Variants in SLC25A21 observed in about 807,000 individuals in gnomAD.
The protein encoded by SLC25A21 is mitochondrial 2-oxodicarboxylate carrier.
Under a neutral mutation model 43.8 loss-of-function variants are expected in SLC25A21, and 47 were observed. The observed-to-expected ratio is 1.07, with a 90% CI of 0.85 to 1.37. SLC25A21 has a LOEUF of 1.37. SLC25A21 is among the 40% of genes most tolerant of loss of function. The probability of loss-of-function intolerance (pLI) is 0.00; values close to 1 mark genes in which losing one functional copy is unlikely to be tolerated. For synonymous variants in SLC25A21, 131 were observed against 121.3 expected, an observed-to-expected ratio of 1.08 and a Z score of -0.52; for missense variants, 352 against 350.2, an observed-to-expected ratio of 1.00 and a Z score of -0.04.
intron 1 of SLC25A21, among the ~76,000 whole-genome samples, chr14:37,040,029 T>C (rs1594764457): frequency 8.3e-6 from 1 of 120,048 alleles, no homozygotes; most frequent in South Asian, 2.4e-4. Flanking sequence ...ACCCCATCTC[T>C]ACTAAAAATA....
At chr14:37,053,692 A>C (rs1327482945) in intron 1 of SLC25A21, among the ~76,000 whole-genome samples, 3 of 152,206 alleles carry the variant, frequency 2.0e-5, no homozygotes, top group African/African-American at 7.2e-5. Flanking sequence ...ATAAAACCTG[A>C]AATAGTTTGT....
rs139012447 is a variant in SLC25A21, at chr14:37,018,301, C to T, written c.71-143297G>A. ...TGAGCTACTGATCTTTCCCTCAACA[C>T]TGTTACCTATCTTACAAATTGGCAC... On this transcript the variant is annotated intron_variant, in intron 1 of 9. Transcript: ENST00000331299. 2.0e-4 allele frequency among the ~76,000 whole-genome samples: 30 copies of T among 152,088 alleles called. No individual in the cohort carries two copies. In the East Asian group the frequency reaches 4.3e-3, roughly 22 times the overall value.
chr14:36,780,517 TG>T (rs1887016937), intron 3 of SLC25A21, among the ~76,000 whole-genome samples: 1 of 152,058 alleles, frequency 6.6e-6, no homozygotes, highest in South Asian at 2.1e-4. Flanking sequence ...CCATAAGTTT[TG>T]GTGTGATGTG....
In SLC25A21 at chr14:36,680,257, AT is replaced by A; in HGVS notation, c.*400del. 1.0e-6 allele frequency: 1 copy of A among 952,536 alleles called. No individual in the cohort carries two copies. The highest frequency in any genetic ancestry group is 1.2e-6 in the Non-Finnish European group (1 of 800,640). The allele number at this position is 952,536 out of a possible 1,614,324, so 59.0% of individuals were successfully genotyped here. A position where few individuals can be genotyped will look rare whatever the true frequency, so the allele number is the denominator to read the frequency against. On this transcript the variant is annotated 3_prime_UTR_variant, in exon 10 of 10. Transcript: ENST00000331299. ...TTTTTTTTAATCCAGTCTTTGAATA[AT>A]TTGATTTATTTTCAATAGTTTAAGC... is the stretch of plus-strand genomic sequence containing the variant.
rs1369724460 is a variant in SLC25A21, at chr14:36,729,543, C to T, written c.294G>A (p.Lys98=). 6.2e-7 allele frequency: 1 copy of T among 1,609,434 alleles called. No homozygotes were observed. Among genetic ancestry groups the T allele is most frequent in the Non-Finnish European group, 8.5e-7 (1 of 1,178,352 alleles). ...AVKFFTFEQY[K]KLLGYVSLSP... ...ACAGTGACACATATCCCAGCAATTT[C>T]TTGTACTGCTCAAAGGTGAAAAACT... Residue 98 remains lysine (K), a synonymous_variant, in exon 5 of 10, where the codon AAG becomes AAA. Coordinates refer to ENST00000331299, the MANE Select transcript of SLC25A21 (RefSeq NM_030631.4).
At chr14:37,104,297 G>C (rs1218741692) in intron 1 of SLC25A21, among the ~76,000 whole-genome samples, 1 of 152,212 alleles carries the variant, frequency 6.6e-6, no homozygotes, top group Non-Finnish European at 1.5e-5. Context: ...ATGAGGTGGA[G>C]AGCTAGCTCT....
At chr14:37,096,798 C>T (rs1458508128) in intron 1 of SLC25A21, among the ~76,000 whole-genome samples, 2 of 151,928 alleles carry the variant, frequency 1.3e-5, no homozygotes, top group Non-Finnish European at 2.9e-5. Context: ...GTTGACTTTC[C>T]TCAAAACAGC....
At chr14:37,149,667 C>A (rs1963726094) in intron 1 of SLC25A21, among the ~76,000 whole-genome samples, 1 of 152,098 alleles carries the variant, frequency 6.6e-6, no homozygotes, top group Admixed American at 6.5e-5. Flanking sequence ...GAACTCCAGC[C>A]TGGGCACAGA....
chr14:37,134,148 G>A (rs984971963), intron 1 of SLC25A21, among the ~76,000 whole-genome samples: 2 of 152,162 alleles, frequency 1.3e-5, no homozygotes, highest in African/African-American at 4.8e-5. Flanking sequence ...ACAGAAGTTA[G>A]CGACAGTCTT....
chr14:36,879,143 A>G (rs1478426185), intron 1 of SLC25A21, among the ~76,000 whole-genome samples: 1 of 152,184 alleles, frequency 6.6e-6, no homozygotes, highest in African/African-American at 2.4e-5. Flanking sequence ...TTAATTTTAA[A>G]TGGGCTGGAC....
intron 3 of SLC25A21, among the ~76,000 whole-genome samples, chr14:36,804,430 G>A (rs1367035): frequency 0.24 from 36,061 of 152,104 alleles, 4,396 homozygotes; most frequent in East Asian, 0.31. Context: ...GGAATGTTGG[G>A]CAAGTCCCTT....
At chr14:36,945,274 G>C (rs1246817454) in intron 1 of SLC25A21, among the ~76,000 whole-genome samples, 2 of 152,120 alleles carry the variant, frequency 1.3e-5, no homozygotes, top group Non-Finnish European at 2.9e-5. Flanking sequence ...AGAAATACAA[G>C]TTGATACCAT....
intron 3 of SLC25A21, among the ~76,000 whole-genome samples, chr14:36,809,705 G>A (rs1566634658): frequency 6.6e-6 from 1 of 152,090 alleles, no homozygotes; most frequent in Non-Finnish European, 1.5e-5. Context: ...TGTATTAACA[G>A]ACTTTAATGT....
chr14:37,041,605 G>A (rs1237858415), intron 1 of SLC25A21, among the ~76,000 whole-genome samples: 1 of 152,194 alleles, frequency 6.6e-6, no homozygotes, highest in Non-Finnish European at 1.5e-5. Context: ...CCTAGTTACA[G>A]AACTTTCTAA....
intron 6 of SLC25A21, among the ~76,000 whole-genome samples, chr14:36,711,935 G>A (rs767119531): frequency 6.6e-6 from 1 of 152,156 alleles, no homozygotes; most frequent in Non-Finnish European, 1.5e-5. Flanking sequence ...TAATGTTACA[G>A]TTTTGATTCA....
chr14:36,944,305 G>A (rs1892633725), intron 1 of SLC25A21, among the ~76,000 whole-genome samples: 1 of 152,132 alleles, frequency 6.6e-6, no homozygotes, highest in Admixed American at 6.5e-5. Flanking sequence ...AAAAGTGATT[G>A]TCCCAGTGGG....
chr14:36,739,278 A>G (rs2139236949), intron 3 of SLC25A21, among the ~76,000 whole-genome samples: 1 of 152,280 alleles, frequency 6.6e-6, no homozygotes, highest in East Asian at 1.9e-4. Flanking sequence ...TTTTTGTGAA[A>G]GTTTTTGGGA....
chr14:36,919,357 A>G (rs1891914447), intron 1 of SLC25A21, among the ~76,000 whole-genome samples: 1 of 151,970 alleles, frequency 6.6e-6, no homozygotes, highest in African/African-American at 2.4e-5. Context: ...AAAATTCCTG[A>G]GCTATCTTTA....
At chr14:36,948,392 T>C (rs1460657884) in intron 1 of SLC25A21, among the ~76,000 whole-genome samples, 2 of 152,180 alleles carry the variant, frequency 1.3e-5, no homozygotes, top group African/African-American at 4.8e-5. Context: ...GCATAAGTTA[T>C]AAATCTGTCA....
Sources: gnomAD v4.1 joint callset for allele counts (sites outside exome capture counted in the v4.1 genomes callset) on GRCh38, gnomAD v4.1.1 for gene constraint, MANE v1.5 for transcripts, NCBI Gene and HGNC (gene_info 2026-07-23, HGNC 2026-07-21) for gene names.